The following NCKAP5 variants were observed in gnomAD, a reference collection of about 807,000 sequenced individuals.
NCKAP5 encodes the protein NCK associated protein 5.
Under a neutral mutation model 167.0 loss-of-function variants are expected in NCKAP5, and 92 were observed. The observed-to-expected ratio is 0.55, with a 90% CI of 0.47 to 0.66. NCKAP5 has a LOEUF of 0.66. Among genes scored for constraint, NCKAP5 ranks in the 30% least tolerant of loss-of-function variants. The pLI is 0.00. For synonymous variants in NCKAP5, 891 were observed against 877.4 expected, an observed-to-expected ratio of 1.02 and a Z score of -0.27; for missense variants, 2,378 against 2,315.0, an observed-to-expected ratio of 1.03 and a Z score of -0.56.
rs189022354 is a variant in NCKAP5 at position 133,206,753 on chromosome 2, C to T, written c.207+6963G>A. ...TTTCTTCTTGCAGAAAGCCTATAAA[C>T]GGATGTGCAAGTAGGAGAAATATCG... is the stretch of plus-strand genomic sequence containing the variant. On this transcript the variant is annotated intron_variant, in intron 5 of 19. Transcript: ENST00000409261. Among the ~76,000 whole-genome samples the T allele has an allele frequency of 3.3e-3, 509 of 152,200 alleles. 2 individuals are homozygous for T. The highest frequency in any genetic ancestry group is 0.012 in the African/African-American group (490 of 41,544).
intron 6 of NCKAP5, among the ~76,000 whole-genome samples, chr2:133,037,015 C>T (rs549621689): frequency 3.3e-5 from 5 of 151,988 alleles, no homozygotes; most frequent in Non-Finnish European, 5.9e-5. Context: ...TTTCTACATG[C>T]TAACAGTGAA....
At chr2:133,118,065 A>G (rs2082136517) in intron 6 of NCKAP5, 1 of 152,192 alleles carries the variant, frequency 6.6e-6, no homozygotes, top group African/African-American at 2.4e-5. Context: ...TCACCTGCAC[A>G]TGCTTCAATA....
chr2:132,757,938 C>A (rs767616049), intron 16 of NCKAP5, among the ~76,000 whole-genome samples: 1 of 152,222 alleles, frequency 6.6e-6, no homozygotes, highest in Non-Finnish European at 1.5e-5. Context: ...CCAACTCCCC[C>A]TGCATTTGCA....
In NCKAP5 at chr2:133,075,196, A is replaced by G. The variant is rs531072912; in HGVS notation, c.341+54782T>C. On this transcript the variant is annotated intron_variant, in intron 6 of 19. Coordinates refer to ENST00000409261, the MANE Select transcript of NCKAP5 (RefSeq NM_207363.3). The stretch of plus-strand genomic sequence containing the variant: ...CTAATTAGAAAGCATGGAGGTCAGA[A>G]TAGTAAAACGGTACTTTTGAAGTGC... 2.6e-5 allele frequency among the ~76,000 whole-genome samples: 4 copies of G among 152,350 alleles called. No homozygotes were observed. In the South Asian group the frequency reaches 8.3e-4, roughly 32 times the overall value.
At chr2:132,876,940 G>A (rs1186693068) in intron 9 of NCKAP5, among the ~76,000 whole-genome samples, 2 of 152,182 alleles carry the variant, frequency 1.3e-5, no homozygotes, top group African/African-American at 2.4e-5. Context: ...GTTGACCTAC[G>A]GGAGAACTGG....
intron 19 of NCKAP5, among the ~76,000 whole-genome samples, chr2:132,679,216 G>C (rs1259052681): frequency 6.6e-6 from 1 of 152,146 alleles, no homozygotes; most frequent in Admixed American, 6.5e-5. Context: ...CCTGGGCTGG[G>C]AAACAAGTGT....
intron 5 of NCKAP5, among the ~76,000 whole-genome samples, chr2:133,140,428 C>A (rs1478195842): frequency 6.6e-6 from 1 of 152,160 alleles, no homozygotes; most frequent in Non-Finnish European, 1.5e-5. Flanking sequence ...CAAGTGAATT[C>A]TCTGGCTAGT....
chr2:133,525,589 C>T (rs1316000082), intron 2 of NCKAP5, among the ~76,000 whole-genome samples: 1 of 152,202 alleles, frequency 6.6e-6, no homozygotes, highest in African/African-American at 2.4e-5. Flanking sequence ...AGAAAACTTC[C>T]AATATTCAGT....
chr2:133,575,036 G>A, the NCKAP5 span, among the ~76,000 whole-genome samples: 8 of 152,286 alleles, frequency 5.3e-5, no homozygotes, highest in Admixed American at 3.3e-4. Context: ...CAGCCACAGC[G>A]CATGTTTACT....
chr2:133,153,430 G>C (rs1346431300), intron 5 of NCKAP5, among the ~76,000 whole-genome samples: 1 of 152,052 alleles, frequency 6.6e-6, no homozygotes, highest in Non-Finnish European at 1.5e-5. Flanking sequence ...TATACTTTCT[G>C]CTTAATTTTT....
chr2:133,320,323 A>G (rs1681940391), intron 3 of NCKAP5, among the ~76,000 whole-genome samples: 1 of 152,166 alleles, frequency 6.6e-6, no homozygotes, highest in Non-Finnish European at 1.5e-5. Context: ...GACTTCCAGC[A>G]TGTTGGCTCT....
In NCKAP5 at chr2:133,030,005, G is replaced by A. The variant is rs1478972336; in HGVS notation, c.342-35766C>T. ...TCAAGAAAATCCTCTCAGTTACTAC[G>A]CAGCTGTCAGTGCAAACAGGCACTT... On this transcript the variant is annotated intron_variant, in intron 6 of 19. Coordinates refer to ENST00000409261, the MANE Select transcript of NCKAP5 (RefSeq NM_207363.3). Among the ~76,000 whole-genome samples, 5 of 152,242 alleles carry A rather than the reference G, an allele frequency of 3.3e-5. No homozygotes were observed. In the East Asian group the frequency reaches 9.7e-4, roughly 29 times the overall value.
At chr2:133,547,538 G>A (rs12467461) in intron 2 of NCKAP5, among the ~76,000 whole-genome samples, 19 of 151,674 alleles carry the variant, frequency 1.3e-4, no homozygotes, top group East Asian at 4.0e-4. Flanking sequence ...TCTGAGAACC[G>A]GCAGACTGCC....
chr2:133,170,473 T>C (rs2084199495), intron 5 of NCKAP5, among the ~76,000 whole-genome samples: 1 of 152,230 alleles, frequency 6.6e-6, no homozygotes, highest in South Asian at 2.1e-4. Context: ...GTTTCTATCA[T>C]TGTGAGTTCC....
chr2:133,334,306 A>G (rs921524323), intron 3 of NCKAP5, among the ~76,000 whole-genome samples: 10 of 152,128 alleles, frequency 6.6e-5, no homozygotes, highest in African/African-American at 2.2e-4. Context: ...GCACTGTCGT[A>G]TTAGACATTT....
At chr2:133,197,153 C>T (rs1050204537) in intron 5 of NCKAP5, among the ~76,000 whole-genome samples, 2 of 152,108 alleles carry the variant, frequency 1.3e-5, no homozygotes, top group African/African-American at 4.8e-5. Context: ...GAGAGCTCCA[C>T]AAAGAGAGGG....
intron 4 of NCKAP5, among the ~76,000 whole-genome samples, chr2:133,218,585 T>A (rs1379461548): frequency 1.3e-5 from 2 of 152,230 alleles, no homozygotes; most frequent in Non-Finnish European, 2.9e-5. Context: ...GAACTAGGAA[T>A]GTAAGAATGT....
rs968616465 is a variant in NCKAP5 at position 133,000,721 on chromosome 2, T to A, written c.342-6482A>T. Among the ~76,000 whole-genome samples the A allele has an allele frequency of 8.5e-5, 13 of 152,334 alleles. No individual in the cohort carries two copies. The East Asian group carries it at 1.7e-3, about 20-fold the overall frequency. ...GGATTTCTAAAATTTTTAAATTTTTTAATTTTAAAAATTCAAAACAGGTGT... is the reference window on the plus strand; with the variant it reads ...GGATTTCTAAAATTTTTAAATTTTTAAATTTTAAAAATTCAAAACAGGTGT... On this transcript the variant is annotated intron_variant, in intron 6 of 19. Transcript: ENST00000409261.
Position 132,959,593 on chromosome 2 carries a change from A to G in NCKAP5, c.579+4127T>C, listed in dbSNP as rs1369938600. On this transcript the variant is annotated intron_variant, in intron 8 of 19. Transcript: ENST00000409261. ...AGTGGGGCCTGCAGACAAACAAATC[A>G]TGTCTTTCAAGGAACATGCCATGAG... Among the ~76,000 whole-genome samples the G allele has an allele frequency of 3.9e-5, 6 of 152,154 alleles. No homozygotes were observed. The East Asian group carries it at 1.2e-3, about 29-fold the overall frequency.
Sources: allele counts gnomAD v4.1 joint callset (sites outside exome capture counted in the v4.1 genomes callset), GRCh38; gene constraint gnomAD v4.1.1; transcripts MANE v1.5; gene names NCBI Gene and HGNC (gene_info 2026-07-23, HGNC 2026-07-21).